PARM1: variants seen among roughly 807,000 people sequenced by gnomAD.
PARM1 encodes WSC4, cell wall integrity and stress response component 4 homolog.
In PARM1, 14 loss-of-function variants were observed where a neutral mutation model predicts 24.6. The ratio of observed to expected loss-of-function variants is 0.57; its 90% confidence interval spans 0.38 to 0.89. The LOEUF is 0.89. PARM1 is among the 40% of genes least tolerant of loss of function. The pLI, the probability that PARM1 is intolerant of heterozygous loss-of-function variation, is 0.00. For synonymous variants in PARM1, 179 were observed against 156.6 expected, an observed-to-expected ratio of 1.14 and a Z score of -1.07; for missense variants, 362 against 380.4, an observed-to-expected ratio of 0.95 and a Z score of 0.40.
At chr4:74,939,827 A>T (rs189098130) in intron 1 of PARM1, among the ~76,000 whole-genome samples, 123 of 152,354 alleles carry the variant, frequency 8.1e-4, no homozygotes, top group Non-Finnish European at 1.2e-3. Flanking sequence ...AAATATTAAG[A>T]TAAATTACCA....
At chr4:74,951,166 T>C (rs975658113) in intron 1 of PARM1, among the ~76,000 whole-genome samples, 2 of 152,232 alleles carry the variant, frequency 1.3e-5, no homozygotes, top group African/African-American at 2.4e-5. Context: ...GCATTCTGAC[T>C]TGGACAAGGA....
At chr4:75,043,961 G>A (rs1723548822) in intron 3 of PARM1, among the ~76,000 whole-genome samples, 2 of 151,692 alleles carry the variant, frequency 1.3e-5, no homozygotes, top group Non-Finnish European at 2.9e-5. Context: ...CATAGATTAG[G>A]TCAGCTGAAT....
At chr4:74,978,430 C>A (rs1361335607) in intron 1 of PARM1, among the ~76,000 whole-genome samples, 1 of 152,168 alleles carries the variant, frequency 6.6e-6, no homozygotes, top group Non-Finnish European at 1.5e-5. Flanking sequence ...AATATATTTG[C>A]ACCCAATACA....
At chr4:75,045,282 A>G (rs61226619) in intron 3 of PARM1, among the ~76,000 whole-genome samples, 40,973 of 152,162 alleles carry the variant, frequency 0.27, 6,551 homozygotes, top group East Asian at 0.68. Flanking sequence ...AGGGGCTGGT[A>G]TGCTTAGAAA....
At chr4:75,012,330 A>T (rs1301398595) in intron 1 of PARM1, 95 bp from the exon 2 acceptor site, 2 of 1,343,384 alleles carry the variant, frequency 1.5e-6, no homozygotes, top group East Asian at 4.6e-5. Context: ...ACCTGTGAAA[A>T]TGCTGTAAAA....
At chr4:74,967,605 G>A (rs1721931486) in intron 1 of PARM1, 1 of 151,868 alleles carries the variant, frequency 6.6e-6, no homozygotes, top group Non-Finnish European at 1.5e-5. Context: ...TTTTTGTTTT[G>A]TTTTGTTTCA....
At position 75,047,070 on chromosome 4, in the gene PARM1, C is replaced by G. The variant is rs907754163; in HGVS notation, c.*823C>G. 5.2e-5 allele frequency: 8 copies of G among 152,568 alleles called. No homozygotes were observed. The highest frequency in any genetic ancestry group is 8.8e-5 in the Non-Finnish European group (6 of 68,344). The allele number at this position is 152,568 out of a possible 1,614,324, so 9.5% of individuals were successfully genotyped here. A position where few individuals can be genotyped will look rare whatever the true frequency, so the allele number is the denominator to read the frequency against. ...ATAGAGAGAAAGGGAGAGGCATGTACGGTGTGGGGAAGTGGAAGAGAAGCT... is the reference window on the plus strand; with the variant it reads ...ATAGAGAGAAAGGGAGAGGCATGTAGGGTGTGGGGAAGTGGAAGAGAAGCT... On this transcript the variant is annotated 3_prime_UTR_variant, in exon 4 of 4. Coordinates refer to ENST00000307428, the MANE Select transcript of PARM1 (RefSeq NM_015393.4).
chr4:74,968,650 C>T (rs1357672409), intron 1 of PARM1, among the ~76,000 whole-genome samples: 1 of 152,180 alleles, frequency 6.6e-6, no homozygotes, highest in Non-Finnish European at 1.5e-5. Flanking sequence ...GGTCAGTTGT[C>T]TATTGTGCTT....
intron 2 of PARM1, among the ~76,000 whole-genome samples, chr4:75,019,839 T>TA (rs1365162112): frequency 1.3e-5 from 2 of 149,946 alleles, no homozygotes; most frequent in Admixed American, 1.3e-4. Flanking sequence ...CCGTCTCTAC[T>TA]AAAAATACAA....
Position 74,933,260 on chromosome 4 carries a change from A to C in PARM1, c.-68A>C. ...GGCAGAGGAGTCGCTACCAGCGCCC[A>C]GTGCGCTCTGTCAGTCCGCAAACTC... On this transcript the variant is annotated 5_prime_UTR_variant, in exon 1 of 4. Transcript: ENST00000307428. 7.2e-7 allele frequency: 1 copy of C among 1,392,614 alleles called. No homozygotes were observed. The highest frequency in any genetic ancestry group is 1.0e-6 in the Non-Finnish European group (1 of 985,016). The allele number at this position is 1,392,614 out of a possible 1,614,324, so 86.3% of individuals were successfully genotyped here.
chr4:74,977,447 A>G (rs560936843), intron 1 of PARM1, among the ~76,000 whole-genome samples: 1 of 152,326 alleles, frequency 6.6e-6, no homozygotes, highest in South Asian at 2.1e-4. Context: ...ACCTCTGATA[A>G]CTATGGGATG....
intron 1 of PARM1, chr4:74,956,305 G>A (rs1487148119): frequency 6.6e-6 from 1 of 152,248 alleles, no homozygotes; most frequent in Non-Finnish European, 1.5e-5. Flanking sequence ...AGGGCATCAG[G>A]GATAGGGGAG....
chr4:74,977,579 A>C (rs1343711784), intron 1 of PARM1, among the ~76,000 whole-genome samples: 1 of 152,222 alleles, frequency 6.6e-6, no homozygotes, highest in African/African-American at 2.4e-5. Context: ...TAACCTAGCA[A>C]GACAGGCCAA....
intron 1 of PARM1, among the ~76,000 whole-genome samples, chr4:75,006,777 G>T (rs1199123098): frequency 6.6e-6 from 1 of 152,118 alleles, no homozygotes; most frequent in Non-Finnish European, 1.5e-5. Flanking sequence ...AACCCTAGAA[G>T]AAAACCTAGG....
chr4:74,977,057 A>G (rs1722152321), intron 1 of PARM1, among the ~76,000 whole-genome samples: 1 of 152,182 alleles, frequency 6.6e-6, no homozygotes, highest in South Asian at 2.1e-4. Context: ...CTTCTCCTCC[A>G]AATTATTGCA....
intron 1 of PARM1, among the ~76,000 whole-genome samples, chr4:75,008,748 C>T (rs1722815502): frequency 6.6e-6 from 1 of 152,160 alleles, no homozygotes; most frequent in African/African-American, 2.4e-5. Flanking sequence ...GAGGGAAAAG[C>T]TCAATAAATT....
chr4:74,935,243 A>G (rs1243931086), intron 1 of PARM1, among the ~76,000 whole-genome samples: 1 of 152,158 alleles, frequency 6.6e-6, no homozygotes, highest in African/African-American at 2.4e-5. Flanking sequence ...CGATATGCAT[A>G]TCCCAAGCTG....
intron 2 of PARM1, among the ~76,000 whole-genome samples, chr4:75,028,926 GAA>G (rs1723229698): frequency 6.6e-6 from 1 of 152,170 alleles, no homozygotes; most frequent in Non-Finnish European, 1.5e-5. Context: ...GAAATAAAAA[GAA>G]AATCCCTCAA....
chr4:75,028,712 T>C (rs895819857), intron 2 of PARM1, among the ~76,000 whole-genome samples: 2 of 152,174 alleles, frequency 1.3e-5, no homozygotes, highest in African/African-American at 4.8e-5. Context: ...TTTTCACCTC[T>C]GGAAACTTTC....
Sources: gnomAD v4.1 joint callset for allele counts (sites outside exome capture counted in the v4.1 genomes callset) on GRCh38, gnomAD v4.1.1 for gene constraint, MANE v1.5 for transcripts, NCBI Gene and HGNC (gene_info 2026-07-23, HGNC 2026-07-21) for gene names.